The following DDX42 variants were observed in gnomAD, a reference collection of about 807,000 sequenced individuals.
DDX42 encodes the protein DEAD-box helicase 42, also known as ATP-dependent RNA helicase DDX42.
Under a neutral mutation model 101.5 loss-of-function variants are expected in DDX42, and 22 were observed. The observed-to-expected ratio is 0.22, with a 90% CI of 0.15 to 0.31. The LOEUF is 0.31. Among genes scored for constraint, DDX42 ranks in the 10% least tolerant of loss-of-function variants. The pLI, the probability that DDX42 is intolerant of heterozygous loss-of-function variation, is 1.00. For missense variants in DDX42, 849 were observed against 1,199.9 expected (o/e 0.71, Z 4.32); for synonymous variants, 402 against 401.2 (o/e 1.00, Z -0.02).
chr17:63,812,433 T>C (rs979387997), intron 14 of DDX42, among the ~76,000 whole-genome samples: 1 of 152,212 alleles, frequency 6.6e-6, no homozygotes, highest in African/African-American at 2.4e-5. Context: ...AAAGAATCCC[T>C]GCAGCTAGAA....
chr17:63,808,356 T>C (rs1041963161), intron 9 of DDX42, among the ~76,000 whole-genome samples: 3 of 152,140 alleles, frequency 2.0e-5, no homozygotes, highest in Non-Finnish European at 4.4e-5. Flanking sequence ...TTATTTTTAG[T>C]AGAGACGGGG....
chr17:63,796,105 T>C (rs1212482555), intron 3 of DDX42, among the ~76,000 whole-genome samples: 2 of 152,322 alleles, frequency 1.3e-5, no homozygotes, highest in Non-Finnish European at 2.9e-5. Context: ...TTCTTCATCT[T>C]CTTGAGATAC....
At chr17:63,778,242 CAG>C (rs1461534093) in intron 1 of DDX42, among the ~76,000 whole-genome samples, 1 of 152,180 alleles carries the variant, frequency 6.6e-6, no homozygotes, top group South Asian at 2.1e-4. Flanking sequence ...CTTTACTAAA[CAG>C]AATCACTTCT....
intron 16 of DDX42, 111 bp from the exon 17 acceptor site, chr17:63,816,757 T>A: frequency 1.5e-6 from 1 of 663,856 alleles, no homozygotes; most frequent in Non-Finnish European, 2.3e-6. Flanking sequence ...TCTAAAAGTA[T>A]CCAGTTCCTT....
At chr17:63,805,391 C>T in intron 7 of DDX42, 1 of 533,678 alleles carries the variant, frequency 1.9e-6, no homozygotes, top group Non-Finnish European at 3.1e-6. Flanking sequence ...TTTCTTGTTT[C>T]ATATTTCAGT....
intron 1 of DDX42, among the ~76,000 whole-genome samples, chr17:63,783,723 T>C (rs886164150): frequency 2.0e-5 from 3 of 151,978 alleles, no homozygotes; most frequent in Non-Finnish European, 4.4e-5. Context: ...AGTTTCTATC[T>C]GGAGTTAAGG....
At chr17:63,806,443 C>G in intron 7 of DDX42, 92 bp from the exon 8 acceptor site, 1 of 1,375,726 alleles carries the variant, frequency 7.3e-7, no homozygotes, top group Non-Finnish European at 9.6e-7. Context: ...CATACTCCAG[C>G]TAAAATGCTA....
At position 63,818,182 on chromosome 17, in the gene DDX42, C is replaced by T. The variant is rs1024857761; in HGVS notation, c.2601C>T (p.Ser867=). ...ACGGGGAGAACAGACATGGAGGAAG[C>T]GCAGGCCGGCATGGGGAGAACCGGG... is the stretch of plus-strand genomic sequence containing the variant. ...HRHGENRHGG[S]AGRHGENRGA... The change falls in exon 18 of 18, where the codon AGC becomes AGT. Residue 867 remains serine (S), a synonymous_variant. Transcript: ENST00000389924. 3.7e-6 allele frequency: 6 copies of T among 1,613,668 alleles called. No individual in the cohort carries two copies. Among genetic ancestry groups the T allele is most frequent in the South Asian group, 2.2e-5 (2 of 91,066 alleles).
intron 4 of DDX42, 80 bp from the exon 5 acceptor site, chr17:63,799,509 C>A: frequency 6.5e-7 from 1 of 1,527,992 alleles, no homozygotes; most frequent in Non-Finnish European, 9.0e-7. Context: ...GTGTGGAATT[C>A]AACACTAATC....
At chr17:63,810,385 C>A in intron 11 of DDX42, 128 bp from the exon 12 acceptor site, 1 of 907,414 alleles carries the variant, frequency 1.1e-6, no homozygotes, top group Non-Finnish European at 1.6e-6. Context: ...GCCACTGTGC[C>A]TGGCCTGGGG....
chr17:63,786,972 G>A (rs1157240041), intron 1 of DDX42, 62 bp from the exon 2 acceptor site: 9 of 1,562,806 alleles, frequency 5.8e-6, no homozygotes, highest in Admixed American at 3.5e-5. Flanking sequence ...CACCGCGCCC[G>A]GCCCTTGGGG....
intron 13 of DDX42, 166 bp from the exon 14 acceptor site, chr17:63,811,766 G>GAA (rs2039912977): frequency 1.2e-6 from 1 of 803,624 alleles, no homozygotes; most frequent in Non-Finnish European, 2.0e-6. Flanking sequence ...AAGGTGATTG[G>GAA]AAAGGAGAGG....
chr17:63,797,928 C>T lies in DDX42; in HGVS notation c.373-110C>T, dbSNP rs1445268686. On this transcript the variant is annotated intron_variant, in intron 3 of 17. Coordinates refer to ENST00000389924, the MANE Select transcript of DDX42 (RefSeq NM_203499.3). ...AATGCAATTTGATGGCATCAAAATG[C>T]ACTTGTCAAATACATAGCTAAAGCT... is the stretch of plus-strand genomic sequence containing the variant. The T allele has an allele frequency of 5.3e-6, 5 of 944,118 alleles. No homozygotes were observed. In the African/African-American group the frequency reaches 6.7e-5, roughly 13 times the overall value. 58.5% of individuals were successfully genotyped at this position (944,118 alleles called of 1,614,324 possible).
At chr17:63,814,693 T>C (rs2039954753) in intron 15 of DDX42, among the ~76,000 whole-genome samples, 2 of 142,546 alleles carry the variant, frequency 1.4e-5, no homozygotes, top group Non-Finnish European at 3.1e-5. Context: ...TTTTTTTTTT[T>C]TTTTTCTTTT....
At chr17:63,774,155 G>C (rs2039380597), upstream of DDX42, 1 of 269,186 alleles carries the variant, frequency 3.7e-6, no homozygotes, top group Non-Finnish European at 7.0e-6. Context: ...TCCTCACTGC[G>C]CATGTCGCGT....
chr17:63,777,342 T>G (rs994614574), intron 1 of DDX42, among the ~76,000 whole-genome samples: 1 of 152,202 alleles, frequency 6.6e-6, no homozygotes, highest in Non-Finnish European at 1.5e-5. Context: ...ATTGAAAACA[T>G]GCTATAAGAG....
Position 63,800,507 on chromosome 17 carries a change from G to C in DDX42, c.511G>C (p.Gly171Arg). The change falls in exon 6 of 18, where the codon GGT becomes CGT. Residue 171 changes from glycine (G) to arginine (R), a missense_variant. Physicochemically the swap from Gly to Arg is moderately radical, Grantham distance 125. Around this residue, in one of 5 missense-constraint regions of DDX42, gnomAD observed 370 missense variants for 608.8 expected, o/e 0.61. Coordinates refer to ENST00000389924, the MANE Select transcript of DDX42 (RefSeq NM_203499.3). The stretch of plus-strand genomic sequence containing the variant: ...ATACATGGCAGAAAACCCAACTGCT[G>C]GTGTGGTTCAGGAGGAAGAGGAAGA... Reference protein sequence around the residue: ...FRYMAENPTAGVVQEEEEDNL... With the variant: ...FRYMAENPTARVVQEEEEDNL... 6.2e-7 allele frequency: 1 copy of C among 1,613,984 alleles called. No individual in the cohort carries two copies. Among genetic ancestry groups the C allele is most frequent in the Non-Finnish European group, 8.5e-7 (1 of 1,179,942 alleles).
At chr17:63,811,617 A>G (rs1457167241) in intron 13 of DDX42, 4 of 482,840 alleles carry the variant, frequency 8.3e-6, no homozygotes, top group Middle Eastern at 5.6e-4. Context: ...CGCTATGTGA[A>G]AAATTACTCT....
intron 3 of DDX42, 125 bp from the exon 4 acceptor site, chr17:63,797,913 G>A (rs1249882755): frequency 6.2e-6 from 5 of 801,446 alleles, no homozygotes; most frequent in Non-Finnish European, 9.7e-6. Context: ...AATGCAATTT[G>A]ATGGCATCAA....
Sources: gnomAD v4.1 joint callset for allele counts (sites outside exome capture counted in the v4.1 genomes callset) on GRCh38, gnomAD v4.1.1 for gene constraint, gnomAD v4.1.1 regional missense constraint, MANE v1.5 for transcripts, NCBI Gene and HGNC (gene_info 2026-07-23, HGNC 2026-07-21) for gene names.